The following GALNT2 variants were observed in gnomAD, a reference collection of about 807,000 sequenced individuals.
The protein encoded by GALNT2 is UDP-GalNAc:polypeptide N-acetylgalactosaminyltransferase 2.
GALNT2 carries 31 observed loss-of-function variants against 81.4 expected under a neutral mutation model. That is an observed-to-expected ratio of 0.38 (90% CI 0.29 to 0.51). The LOEUF (loss-of-function observed/expected upper bound fraction) is 0.51. Among genes scored for constraint, GALNT2 ranks in the 20% least tolerant of loss-of-function variants. The pLI, the probability that GALNT2 is intolerant of heterozygous loss-of-function variation, is 0.87. For missense variants in GALNT2, 629 were observed against 765.7 expected (o/e 0.82, Z 2.11); for synonymous variants, 303 against 287.4 (o/e 1.05, Z -0.55).
intron 1 of GALNT2, among the ~76,000 whole-genome samples, chr1:230,080,680 C>A (rs867910519): frequency 2.2e-4 from 34 of 152,084 alleles, no homozygotes; most frequent in African/African-American, 8.0e-4. Context: ...AGCACAGGGG[C>A]CACTGGCCTG....
chr1:230,252,241 G>T (rs1207731210), intron 10 of GALNT2, among the ~76,000 whole-genome samples: 2 of 152,170 alleles, frequency 1.3e-5, no homozygotes, highest in East Asian at 3.9e-4. Flanking sequence ...GGCCTCTGTG[G>T]GTGTGCATTG....
chr1:230,139,347 A>T (rs116278388), intron 1 of GALNT2, among the ~76,000 whole-genome samples: 2,034 of 152,222 alleles, frequency 0.013, 54 homozygotes, highest in African/African-American at 0.046. Flanking sequence ...GTCCCTTCTG[A>T]TGAGAAGTTT....
intron 1 of GALNT2, among the ~76,000 whole-genome samples, chr1:230,129,300 A>T (rs1661292539): frequency 6.6e-6 from 1 of 152,150 alleles, no homozygotes; most frequent in African/African-American, 2.4e-5. Flanking sequence ...TGGGGTAGAA[A>T]ATCCACAAAT....
At chr1:230,101,297 G>T (rs1271760552) in intron 1 of GALNT2, among the ~76,000 whole-genome samples, 1 of 152,148 alleles carries the variant, frequency 6.6e-6, no homozygotes, top group Non-Finnish European at 1.5e-5. Flanking sequence ...TGTAATTCTG[G>T]CTTTTTCCAT....
In GALNT2 at chr1:230,110,380, A is replaced by C. The variant is rs1018076385; in HGVS notation, c.126+42974A>C. On this transcript the variant is annotated intron_variant, in intron 1 of 15. Coordinates refer to ENST00000366672, the MANE Select transcript of GALNT2 (RefSeq NM_004481.5). ...TATTTGAGTCACTGGAGCTGTTGTG[A>C]GCTCTGACGGCCTGGGAGCCCCACT... 3.3e-5 allele frequency among the ~76,000 whole-genome samples: 5 copies of C among 152,174 alleles called. No individual in the cohort carries two copies. The South Asian group carries it at 1.0e-3, about 32-fold the overall frequency.
At position 230,153,971 on chromosome 1, in the gene GALNT2, C is replaced by T. The variant is rs111690050; in HGVS notation, c.127-24247C>T. On this transcript the variant is annotated intron_variant, in intron 1 of 15. Transcript: ENST00000366672. ...CAGATTTATCGTGTGGGTCTGTCTG[C>T]GTGGGTGTCTACCTTATAAAGACTC... Among the ~76,000 whole-genome samples, 59 of 152,340 alleles carry T rather than the reference C, an allele frequency of 3.9e-4. 1 individual carries two copies. Among genetic ancestry groups the T allele is most frequent in the African/African-American group, 1.3e-3 (56 of 41,572 alleles).
intron 13 of GALNT2, 43 bp from the exon 14 acceptor site, chr1:230,265,198 G>T: frequency 6.2e-7 from 1 of 1,612,908 alleles, no homozygotes; most frequent in Non-Finnish European, 8.5e-7. Flanking sequence ...GGGAGCTGGT[G>T]GTCATGTGCA....
intron 6 of GALNT2, among the ~76,000 whole-genome samples, chr1:230,239,656 G>A (rs138260347): frequency 5.9e-5 from 9 of 152,286 alleles, no homozygotes; most frequent in African/African-American, 1.9e-4. Flanking sequence ...ATTTACATGT[G>A]GCGTAATCAT....
intron 15 of GALNT2, among the ~76,000 whole-genome samples, chr1:230,276,399 A>G (rs1323681988): frequency 6.6e-6 from 1 of 152,066 alleles, no homozygotes; most frequent in Non-Finnish European, 1.5e-5. Context: ...GTCCTTAGAG[A>G]TAGATGGGAT....
chr1:230,221,720 C>T (rs1431122519), intron 3 of GALNT2, among the ~76,000 whole-genome samples: 2 of 152,220 alleles, frequency 1.3e-5, no homozygotes, highest in African/African-American at 4.8e-5. Context: ...TTTTTATTTT[C>T]ATTACAGTAA....
rs1665252394 is a variant in GALNT2 at position 230,243,235 on chromosome 1, C to T, written c.608-71C>T. The T allele has an allele frequency of 1.3e-6, 2 of 1,496,758 alleles. No individual in the cohort carries two copies. The highest frequency in any genetic ancestry group is 2.7e-5 in the South Asian group (2 of 74,764). 92.7% of individuals were successfully genotyped at this position (1,496,758 alleles called of 1,614,324 possible). On this transcript the variant is annotated intron_variant, in intron 6 of 15. Transcript: ENST00000366672. The surrounding 1 kb of genome is among the most constrained non-coding windows in gnomAD (Gnocchi z 4.2). ...CAGAGCTGCGGGCAGGGAGGCGTCG[C>T]CGGTTGGCATGGGGTTGTGCTGGCC...
chr1:230,091,315 A>T (rs1660070883), intron 1 of GALNT2, among the ~76,000 whole-genome samples: 1 of 151,288 alleles, frequency 6.6e-6, no homozygotes, highest in Non-Finnish European at 1.5e-5. Flanking sequence ...ACCTTGTGAT[A>T]CGGCCACCTT....
At chr1:230,173,647 C>G (rs951511817) in intron 1 of GALNT2, among the ~76,000 whole-genome samples, 7 of 152,230 alleles carry the variant, frequency 4.6e-5, no homozygotes, top group Non-Finnish European at 1.0e-4. Context: ...ACCTGTCTGT[C>G]ACTGCATCAG....
intron 1 of GALNT2, among the ~76,000 whole-genome samples, chr1:230,088,085 A>G (rs1035045786): frequency 4.6e-5 from 7 of 150,752 alleles, no homozygotes; most frequent in Admixed American, 4.0e-4. Flanking sequence ...CCCGCCCCCA[A>G]TGTTTTTGCT....
chr1:230,205,757 G>A (rs542324540), intron 3 of GALNT2, among the ~76,000 whole-genome samples: 24 of 152,258 alleles, frequency 1.6e-4, no homozygotes, highest in African/African-American at 5.8e-4. Context: ...TCCCAGGTGT[G>A]TACTTCCCCA....
At chr1:230,256,982 G>T (rs959867062) in intron 11 of GALNT2, among the ~76,000 whole-genome samples, 3 of 152,186 alleles carry the variant, frequency 2.0e-5, no homozygotes, top group African/African-American at 7.2e-5. Flanking sequence ...GGACCCCGAG[G>T]AATCAGACTA....
chr1:230,085,151 A>G (rs182954015), intron 1 of GALNT2, among the ~76,000 whole-genome samples: 68 of 152,236 alleles, frequency 4.5e-4, no homozygotes, highest in Admixed American at 3.6e-3. Context: ...AGTTTTTATT[A>G]TTAACTCTCC....
At chr1:230,231,298 G>A (rs527590289) in intron 3 of GALNT2, among the ~76,000 whole-genome samples, 4 of 152,266 alleles carry the variant, frequency 2.6e-5, no homozygotes, top group African/African-American at 7.2e-5. Flanking sequence ...AGGCAAGATC[G>A]TCAGGGCCAT....
chr1:230,235,153 G>A (rs1052883886), intron 3 of GALNT2, among the ~76,000 whole-genome samples: 6 of 149,386 alleles, frequency 4.0e-5, no homozygotes, highest in Admixed American at 2.7e-4. Context: ...GTTCAAGGCT[G>A]CAGGGAGCTA....
Sources: allele counts gnomAD v4.1 joint callset (sites outside exome capture counted in the v4.1 genomes callset), GRCh38; gene constraint gnomAD v4.1.1; non-coding constraint Gnocchi (gnomAD v3.1); transcripts MANE v1.5; gene names NCBI Gene and HGNC (gene_info 2026-07-23, HGNC 2026-07-21).